Variants in PHACTR3 observed in about 807,000 individuals in gnomAD.
The protein encoded by PHACTR3 is phosphatase and actin regulator 3.
In PHACTR3, 16 loss-of-function variants were observed where a neutral mutation model predicts 66.8. That is an observed-to-expected ratio of 0.24 (90% CI 0.16 to 0.36). The LOEUF (loss-of-function observed/expected upper bound fraction) is 0.36, where lower values mean the gene tolerates loss of function less well. PHACTR3 is among the 10% of genes least tolerant of loss of function. The pLI is 1.00. For missense variants in PHACTR3, 647 were observed against 719.9 expected, an observed-to-expected ratio of 0.90 and a Z score of 1.16; for synonymous variants, 323 against 292.1, an observed-to-expected ratio of 1.11 and a Z score of -1.08.
At chr20:59,767,125 C>G in intron 4 of PHACTR3, 61 bp from the exon 5 acceptor site, 1 of 1,569,286 alleles carries the variant, frequency 6.4e-7, no homozygotes, top group Admixed American at 1.7e-5. Context: ...GCTTTGCTCT[C>G]TTACTTCCAC....
At chr20:59,722,517 C>T (rs1475720653) in intron 1 of PHACTR3, among the ~76,000 whole-genome samples, 2 of 152,124 alleles carry the variant, frequency 1.3e-5, no homozygotes, top group Admixed American at 1.3e-4. Context: ...GCCAGAGGCT[C>T]CTCAGGGGGT....
At chr20:59,735,935 G>C (rs1053846135) in intron 1 of PHACTR3, among the ~76,000 whole-genome samples, 1 of 152,182 alleles carries the variant, frequency 6.6e-6, no homozygotes, top group Non-Finnish European at 1.5e-5. Flanking sequence ...TCAGTGTTCC[G>C]TCAGTCCTAG....
chr20:59,766,879 C>T (rs768047414), intron 4 of PHACTR3, among the ~76,000 whole-genome samples: 2 of 152,210 alleles, frequency 1.3e-5, no homozygotes, highest in East Asian at 3.9e-4. Flanking sequence ...GTGTGTCTGA[C>T]TCCAAAACCT....
intron 1 of PHACTR3, among the ~76,000 whole-genome samples, chr20:59,610,484 G>A (rs1295220131): frequency 2.0e-5 from 3 of 152,210 alleles, no homozygotes; most frequent in African/African-American, 4.8e-5. Context: ...TCCTGGAGAT[G>A]ATCTCATTTG....
chr20:59,635,216 C>T lies in PHACTR3; in HGVS notation c.118+30084C>T, dbSNP rs1338217612. Among the ~76,000 whole-genome samples the T allele has an allele frequency of 2.2e-4, 22 of 102,314 alleles. 3 individuals are homozygous for T. The highest frequency in any genetic ancestry group is 8.1e-4 in the African/African-American group (22 of 27,228). The allele number at this position is 102,314 out of a possible 152,430, so 67.1% of individuals were successfully genotyped here. A position where few individuals can be genotyped will look rare whatever the true frequency, so the allele number is the denominator to read the frequency against. On this transcript the variant is annotated intron_variant, in intron 1 of 12. Transcript: ENST00000371015. ...TTTCTCTTTCTTTCTTTCCTTCCTT[C>T]CTTCCTTCTTTCTTTCTTTCTTTTT...
intron 8 of PHACTR3, among the ~76,000 whole-genome samples, chr20:59,814,278 C>T (rs888496163): frequency 1.3e-5 from 2 of 152,108 alleles, no homozygotes; most frequent in African/African-American, 4.8e-5. Context: ...CCTGGGGACG[C>T]GGGGCTGCAG....
At chr20:59,834,702 T>G (rs1257786518) in intron 8 of PHACTR3, among the ~76,000 whole-genome samples, 1 of 152,302 alleles carries the variant, frequency 6.6e-6, no homozygotes, top group South Asian at 2.1e-4. Flanking sequence ...CTCAGCGAAA[T>G]GTATCTCTGC....
chr20:59,593,612 TAGG>T (rs2033247766), intron 1 of PHACTR3, among the ~76,000 whole-genome samples: 2 of 152,222 alleles, frequency 1.3e-5, no homozygotes, highest in Admixed American at 6.5e-5. Flanking sequence ...TGTTATCTTC[TAGG>T]AGTTTTACAG....
chr20:59,832,617 C>A (rs1416422411), intron 8 of PHACTR3, among the ~76,000 whole-genome samples: 1 of 152,112 alleles, frequency 6.6e-6, no homozygotes, highest in Non-Finnish European at 1.5e-5. Flanking sequence ...CACGCCCACA[C>A]CCCATCTCAC....
chr20:59,606,303 TCCCCC>T (rs5842274), intron 1 of PHACTR3, among the ~76,000 whole-genome samples: 1 of 151,034 alleles, frequency 6.6e-6, no homozygotes. Flanking sequence ...ACTGGATCCC[TCCCCC>T]CCCCATTTGA....
At chr20:59,839,058 G>A (rs2059013793) in intron 9 of PHACTR3, among the ~76,000 whole-genome samples, 1 of 151,734 alleles carries the variant, frequency 6.6e-6, no homozygotes, top group South Asian at 2.1e-4. Context: ...AAAAAGATCT[G>A]ACTTTGTTTC....
intron 1 of PHACTR3, among the ~76,000 whole-genome samples, chr20:59,686,593 G>A (rs567393816): frequency 6.6e-6 from 1 of 151,434 alleles, no homozygotes; most frequent in East Asian, 2.0e-4. Context: ...GATGATGATG[G>A]TGATGATGAT....
Position 59,743,107 on chromosome 20 carries a change from A to T in PHACTR3, c.119A>T (p.Asp40Val), listed in dbSNP as rs1215065589. 6 of 1,611,964 alleles carry T rather than the reference A, an allele frequency of 3.7e-6. No individual in the cohort carries two copies. Among genetic ancestry groups the T allele is most frequent in the Non-Finnish European group, 4.2e-6 (5 of 1,179,078 alleles). The change falls in exon 2 of 13, where the codon GAT becomes GTT. Residue 40 changes from aspartate to valine, a missense_variant and splice_region_variant. Coordinates refer to ENST00000371015, the MANE Select transcript of PHACTR3 (RefSeq NM_080672.5). ...GACCCCCTTGGTTTTCGTCTTCCAG[A>T]TGAGATGGACCAAACGCCCCCGGCG... ...TSSADAGENP[D>V]EMDQTPPARP... is the part of the protein sequence containing the mutation.
chr20:59,741,022 C>A (rs1184717734), intron 1 of PHACTR3, among the ~76,000 whole-genome samples: 1 of 152,222 alleles, frequency 6.6e-6, no homozygotes, highest in African/African-American at 2.4e-5. Context: ...CCATCATAAT[C>A]CCCGGCCCCT....
intron 11 of PHACTR3, chr20:59,844,408 CA>C (rs2059116098): frequency 6.6e-6 from 1 of 151,218 alleles, no homozygotes; most frequent in Non-Finnish European, 1.5e-5. Flanking sequence ...CAAAATCATC[CA>C]AGTGTCCATC....
rs148611375 is a variant in PHACTR3, at chr20:59,687,191, C to T, written c.119-55916C>T. Among the ~76,000 whole-genome samples, 826 of 121,510 alleles carry T rather than the reference C, an allele frequency of 6.8e-3. 4 individuals carry two copies. The highest frequency in any genetic ancestry group is 0.011 in the Non-Finnish European group (611 of 56,976). 79.7% of individuals were successfully genotyped at this position (121,510 alleles called of 152,430 possible). ...ATGGTGGTGGTGATAGTGGTGATGA[C>T]GATGATGATCATGGCAGTGATGGTG... On this transcript the variant is annotated intron_variant, in intron 1 of 12. Coordinates refer to ENST00000371015, the MANE Select transcript of PHACTR3 (RefSeq NM_080672.5).
intron 1 of PHACTR3, among the ~76,000 whole-genome samples, chr20:59,629,833 C>T (rs929636569): frequency 1.3e-5 from 2 of 152,332 alleles, no homozygotes; most frequent in Admixed American, 6.5e-5. Context: ...TGTGGCCTTC[C>T]GTCTTCCCAC....
At chr20:59,760,684 T>C (rs1327459161) in intron 4 of PHACTR3, among the ~76,000 whole-genome samples, 1 of 152,132 alleles carries the variant, frequency 6.6e-6, no homozygotes, top group East Asian at 1.9e-4. Flanking sequence ...GGTATGTCTT[T>C]ATCAGCAGCA....
chr20:59,822,737 CG>C (rs1230728205), intron 8 of PHACTR3, among the ~76,000 whole-genome samples: 1 of 152,190 alleles, frequency 6.6e-6, no homozygotes, highest in Non-Finnish European at 1.5e-5. Flanking sequence ...CCGTGTGGCT[CG>C]GGCCCCGTGC....
Sources: gnomAD v4.1 joint callset for allele counts (sites outside exome capture counted in the v4.1 genomes callset) on GRCh38, gnomAD v4.1.1 for gene constraint, MANE v1.5 for transcripts, NCBI Gene and HGNC (gene_info 2026-07-23, HGNC 2026-07-21) for gene names.